The following EYS variants were observed in gnomAD, a reference collection of about 807,000 sequenced individuals.
EYS encodes the protein protein eyes shut homolog.
Under a neutral mutation model 282.1 loss-of-function variants are expected in EYS, and 250 were observed. That is an observed-to-expected ratio of 0.89 (90% CI 0.80 to 0.98). EYS has a LOEUF of 0.98. Ranked by LOEUF, EYS falls within the 50% of genes least tolerant of loss-of-function variation. The pLI is 0.00. For synonymous variants in EYS, 1,355 were observed against 1,282.9 expected, an observed-to-expected ratio of 1.06 and a Z score of -1.20; for missense variants, 4,016 against 3,709.0, an observed-to-expected ratio of 1.08 and a Z score of -2.15.
chr6:65,220,113 C>T (rs1024180035), intron 12 of EYS, among the ~76,000 whole-genome samples: 1 of 152,104 alleles, frequency 6.6e-6, no homozygotes, highest in African/African-American at 2.4e-5. Flanking sequence ...CTCTGCAAAA[C>T]TATTTTTTTA....
At chr6:65,171,626 G>A (rs1765108192) in intron 12 of EYS, among the ~76,000 whole-genome samples, 1 of 151,304 alleles carries the variant, frequency 6.6e-6, no homozygotes, top group East Asian at 2.0e-4. Context: ...GATGACAACA[G>A]TTCACACCAA....
At chr6:64,395,667 A>C (rs1270964772) in intron 28 of EYS, among the ~76,000 whole-genome samples, 1 of 151,856 alleles carries the variant, frequency 6.6e-6, no homozygotes, top group African/African-American at 2.4e-5. Flanking sequence ...TAGCATTGGC[A>C]GATATACCTA....
At chr6:63,977,698 T>C (rs898314978) in intron 35 of EYS, among the ~76,000 whole-genome samples, 5 of 152,008 alleles carry the variant, frequency 3.3e-5, no homozygotes, top group African/African-American at 1.2e-4. Context: ...GACTCCTGCA[T>C]GTATCTGACA....
At chr6:64,825,280 A>G (rs1321353780) in intron 19 of EYS, among the ~76,000 whole-genome samples, 1 of 151,896 alleles carries the variant, frequency 6.6e-6, no homozygotes, top group Non-Finnish European at 1.5e-5. Flanking sequence ...AATTGCCATT[A>G]TCCTGTTTTA....
chr6:64,902,514 G>T lies in EYS; in HGVS notation c.2642-14C>A. 6.8e-7 allele frequency: 1 copy of T among 1,476,172 alleles called. No individual in the cohort carries two copies. The highest frequency in any genetic ancestry group is 1.3e-5 in the South Asian group (1 of 77,222). The allele number at this position is 1,476,172 out of a possible 1,614,324, so 91.4% of individuals were successfully genotyped here. A position where few individuals can be genotyped will look rare whatever the true frequency, so the allele number is the denominator to read the frequency against. On this transcript the variant is annotated splice_polypyrimidine_tract_variant and intron_variant, in intron 16 of 42. Coordinates refer to ENST00000503581, the MANE Select transcript of EYS (RefSeq NM_001142800.2). ...TACCTTCAAATTCTGCAAAGAGTAT[G>T]AGATGAGTATGGATGAGCAATCCTT...
chr6:64,747,279 T>C (rs940451939), intron 22 of EYS, among the ~76,000 whole-genome samples: 1 of 152,206 alleles, frequency 6.6e-6, no homozygotes, highest in Non-Finnish European at 1.5e-5. Flanking sequence ...GTCCAATGCT[T>C]ATTTGAAATC....
intron 35 of EYS, among the ~76,000 whole-genome samples, chr6:63,881,011 T>A (rs1773118311): frequency 6.8e-6 from 1 of 146,970 alleles, no homozygotes; most frequent in Admixed American, 6.7e-5. Flanking sequence ...AGTTAACACT[T>A]TTTTTTTTTG....
In EYS at chr6:64,388,758, C is replaced by T. The variant is rs535282640; in HGVS notation, c.6010G>A (p.Gly2004Arg). Residue 2004 changes from glycine to arginine, a missense_variant, in exon 29 of 43, where the codon GGA becomes AGA. Coordinates refer to ENST00000503581, the MANE Select transcript of EYS (RefSeq NM_001142800.2). ...QICESINHVL[G>R]KPLPKSGSVF... ...GATCCTGATTTTGGCAGGGGTTTTC[C>T]GAGTACATGATTGATAGATTCGCAT... The T allele has an allele frequency of 2.7e-5, 42 of 1,544,850 alleles. No homozygotes were observed. The highest frequency in any genetic ancestry group is 1.6e-4 in the South Asian group (13 of 82,620).
At chr6:64,298,583 A>G (rs1405093426) in intron 30 of EYS, among the ~76,000 whole-genome samples, 1 of 152,164 alleles carries the variant, frequency 6.6e-6, no homozygotes, top group Non-Finnish European at 1.5e-5. Context: ...TAAAAGATAA[A>G]CTAAACACAA....
chr6:65,573,722 A>G (rs1263895889), intron 2 of EYS, among the ~76,000 whole-genome samples: 2 of 152,150 alleles, frequency 1.3e-5, no homozygotes, highest in Non-Finnish European at 2.9e-5. Flanking sequence ...TCCAGGGCCA[A>G]ATTCTTGCAG....
intron 41 of EYS, among the ~76,000 whole-genome samples, chr6:63,761,726 G>A (rs1383184075): frequency 6.6e-6 from 1 of 151,978 alleles, no homozygotes; most frequent in Non-Finnish European, 1.5e-5. Flanking sequence ...AGGCAGGATA[G>A]AGAAATAGTA....
intron 22 of EYS, among the ~76,000 whole-genome samples, chr6:64,789,658 TTC>T (rs1774125989): frequency 6.6e-6 from 1 of 152,136 alleles, no homozygotes; most frequent in Non-Finnish European, 1.5e-5. Context: ...TTGTATCGAA[TTC>T]TCTTTCTCCT....
intron 5 of EYS, among the ~76,000 whole-genome samples, chr6:65,449,090 C>G (rs1010743010): frequency 6.6e-6 from 1 of 151,982 alleles, no homozygotes; most frequent in Non-Finnish European, 1.5e-5. Flanking sequence ...AGCTATGGAC[C>G]GAGCACAAAA....
chr6:65,269,310 G>A (rs558707320), intron 12 of EYS, among the ~76,000 whole-genome samples: 8 of 152,304 alleles, frequency 5.3e-5, no homozygotes, highest in African/African-American at 9.6e-5. Context: ...AGGTATATGT[G>A]TGTGACTCAG....
chr6:64,167,199 A>C (rs567299059), intron 31 of EYS, among the ~76,000 whole-genome samples: 17 of 152,180 alleles, frequency 1.1e-4, no homozygotes, highest in Non-Finnish European at 2.1e-4. Context: ...ATCATACCGC[A>C]AGGAATGATT....
intron 22 of EYS, among the ~76,000 whole-genome samples, chr6:64,698,138 T>C (rs1428594585): frequency 6.6e-6 from 1 of 151,904 alleles, no homozygotes; most frequent in African/African-American, 2.4e-5. Flanking sequence ...TTTGAAACAA[T>C]TGAAAATGGA....
At position 64,630,794 on chromosome 6, in the gene EYS, A is replaced by G. The variant is rs142088756; in HGVS notation, c.3444-4549T>C. ...TTTACATTCTTAGCTTGAATGGAGGAAAGATTTTGAAAACACTTATAAAAT... is the reference window on the plus strand; with the variant it reads ...TTTACATTCTTAGCTTGAATGGAGGGAAGATTTTGAAAACACTTATAAAAT... On this transcript the variant is annotated intron_variant, in intron 22 of 42. Transcript: ENST00000503581. Among the ~76,000 whole-genome samples, 552 of 152,274 alleles carry G rather than the reference A, an allele frequency of 3.6e-3. 7 individuals carry two copies. The highest frequency in any genetic ancestry group is 0.031 in the Admixed American group (480 of 15,286).
intron 12 of EYS, among the ~76,000 whole-genome samples, chr6:65,095,171 G>T (rs1210035931): frequency 6.6e-6 from 1 of 151,012 alleles, no homozygotes; most frequent in Non-Finnish European, 1.5e-5. Flanking sequence ...CAATAACGAA[G>T]AAAAAGATTC....
At chr6:64,433,614 TAAG>T (rs909211228) in intron 28 of EYS, among the ~76,000 whole-genome samples, 2 of 151,944 alleles carry the variant, frequency 1.3e-5, no homozygotes, top group African/African-American at 2.4e-5. Flanking sequence ...TTGATAAAAA[TAAG>T]AAGCAATGGT....
Sources: gnomAD v4.1 joint callset for allele counts (sites outside exome capture counted in the v4.1 genomes callset) on GRCh38, gnomAD v4.1.1 for gene constraint, MANE v1.5 for transcripts, NCBI Gene and HGNC (gene_info 2026-07-23, HGNC 2026-07-21) for gene names.